CDH10: variants seen among roughly 807,000 people sequenced by gnomAD.
CDH10 encodes cadherin-10.
CDH10 carries 30 observed loss-of-function variants against 73.1 expected under a neutral mutation model. The observed-to-expected ratio is 0.41, with a 90% CI of 0.31 to 0.56. The LOEUF (loss-of-function observed/expected upper bound fraction) is 0.56. Among genes scored for constraint, CDH10 ranks in the 20% least tolerant of loss-of-function variants. The probability of loss-of-function intolerance (pLI) is 0.27; values close to 1 mark genes in which losing one functional copy is unlikely to be tolerated. For synonymous variants in CDH10, 345 were observed against 348.2 expected (o/e 0.99, Z 0.10); for missense variants, 815 against 973.7 (o/e 0.84, Z 2.17).
chr5:24,555,315 A>G lies in CDH10; in HGVS notation c.232-17641T>C, dbSNP rs377363757. ...ACTTTTCTCTTTCCTTACAAGCCTG[A>G]CCATTAAATGAACACAAAGACTGCA... is the stretch of plus-strand genomic sequence containing the variant. On this transcript the variant is annotated intron_variant, in intron 2 of 11. Coordinates refer to ENST00000264463, the MANE Select transcript of CDH10 (RefSeq NM_006727.5). Among the ~76,000 whole-genome samples the G allele has an allele frequency of 6.6e-5, 10 of 152,220 alleles. No individual in the cohort carries two copies. The East Asian group carries it at 1.7e-3, about 26-fold the overall frequency.
intron 2 of CDH10, among the ~76,000 whole-genome samples, chr5:24,545,648 T>C (rs964928389): frequency 6.6e-6 from 1 of 150,774 alleles, no homozygotes; most frequent in African/African-American, 2.4e-5. Context: ...CCTCTCTACA[T>C]TTTTTTTTCT....
intron 2 of CDH10, among the ~76,000 whole-genome samples, chr5:24,541,252 T>A (rs1017520531): frequency 1.3e-5 from 2 of 152,050 alleles, no homozygotes; most frequent in African/African-American, 4.8e-5. Context: ...GTCCCCTTCC[T>A]AAGCTTCCCA....
intron 2 of CDH10, among the ~76,000 whole-genome samples, chr5:24,576,954 G>T (rs1745628402): frequency 6.6e-6 from 1 of 151,360 alleles, no homozygotes; most frequent in Non-Finnish European, 1.5e-5. Context: ...TTTTACCTCA[G>T]TGGTCTTCCT....
chr5:24,641,138 T>C (rs889597434), intron 1 of CDH10, among the ~76,000 whole-genome samples: 2 of 151,976 alleles, frequency 1.3e-5, no homozygotes, highest in Non-Finnish European at 1.5e-5. Flanking sequence ...AATGGACTTA[T>C]ACGCTTTAGG....
At chr5:24,595,093 ATACT>A (rs1349671031) in intron 1 of CDH10, among the ~76,000 whole-genome samples, 2 of 151,614 alleles carry the variant, frequency 1.3e-5, no homozygotes, top group Non-Finnish European at 2.9e-5. Flanking sequence ...TATTGTGAAC[ATACT>A]TATTTTGTTT....
intron 1 of CDH10, among the ~76,000 whole-genome samples, chr5:24,620,200 AT>A (rs1747265297): frequency 6.6e-6 from 1 of 152,170 alleles, no homozygotes; most frequent in African/African-American, 2.4e-5. Context: ...AAACACATCA[AT>A]AGTTTTTCTA....
intron 2 of CDH10, among the ~76,000 whole-genome samples, chr5:24,570,089 A>ATTG (rs1278826141): frequency 2.6e-5 from 4 of 152,020 alleles, no homozygotes; most frequent in Non-Finnish European, 4.4e-5. Context: ...TTTCTATGAG[A>ATTG]TTTGTTTTTG....
intron 2 of CDH10, among the ~76,000 whole-genome samples, chr5:24,569,003 G>A (rs1316660434): frequency 6.6e-6 from 1 of 151,778 alleles, no homozygotes; most frequent in African/African-American, 2.4e-5. Context: ...CCAGCTACTC[G>A]GGAGGCTCAG....
chr5:24,567,838 T>C (rs898764965), intron 2 of CDH10, among the ~76,000 whole-genome samples: 15 of 152,016 alleles, frequency 9.9e-5, no homozygotes, highest in African/African-American at 3.6e-4. Flanking sequence ...GAGAGAAAAT[T>C]TAAATAAGCA....
At chr5:24,594,618 C>T (rs1746309514) in intron 1 of CDH10, among the ~76,000 whole-genome samples, 1 of 151,828 alleles carries the variant, frequency 6.6e-6, no homozygotes, top group Non-Finnish European at 1.5e-5. Context: ...CTTGCTTCAC[C>T]ATGCAATACA....
At chr5:24,623,679 G>A (rs1373474390) in intron 1 of CDH10, among the ~76,000 whole-genome samples, 1 of 152,130 alleles carries the variant, frequency 6.6e-6, no homozygotes, top group African/African-American at 2.4e-5. Context: ...GCAACACAGA[G>A]GTCTGAATAT....
At position 24,593,614 on chromosome 5, in the gene CDH10, C is replaced by A. The variant is rs1160520877; in HGVS notation, c.-123-1G>T. 3.5e-6 allele frequency: 2 copies of A among 568,812 alleles called. No individual in the cohort carries two copies. Among genetic ancestry groups the A allele is most frequent in the African/African-American group, 3.8e-5 (2 of 52,222 alleles). 35.2% of individuals were successfully genotyped at this position (568,812 alleles called of 1,614,324 possible). A position where few individuals can be genotyped will look rare whatever the true frequency, so the allele number is the denominator to read the frequency against. ...AATGTTTTGTTCATGTTTCCCAAAG[C>A]TTCAAACAAACAAACAAACAAAAAA... On this transcript the variant is annotated splice_acceptor_variant, in intron 1 of 11. Transcript: ENST00000264463. LOFTEE classifies it low-confidence loss of function (5UTR_SPLICE).
chr5:24,540,188 C>A (rs375969246), intron 2 of CDH10, among the ~76,000 whole-genome samples: 15 of 151,968 alleles, frequency 9.9e-5, no homozygotes, highest in African/African-American at 3.1e-4. Context: ...GTTAAGCTTA[C>A]AATACCTAAA....
chr5:24,527,165 T>G (rs1486166522), intron 5 of CDH10, among the ~76,000 whole-genome samples: 1 of 150,104 alleles, frequency 6.7e-6, no homozygotes, highest in East Asian at 1.9e-4. Context: ...TTTGTGTATA[T>G]ATGTATAAGT....
intron 2 of CDH10, among the ~76,000 whole-genome samples, chr5:24,542,854 T>C (rs1207507903): frequency 6.6e-6 from 1 of 152,136 alleles, no homozygotes; most frequent in Non-Finnish European, 1.5e-5. Flanking sequence ...CTAATGCTAT[T>C]CATGAGATTT....
At chr5:24,617,088 G>A (rs924609423) in intron 1 of CDH10, among the ~76,000 whole-genome samples, 3 of 152,128 alleles carry the variant, frequency 2.0e-5, no homozygotes, top group African/African-American at 7.2e-5. Context: ...TATTCAAAAT[G>A]AGTATATATC....
intron 9 of CDH10, among the ~76,000 whole-genome samples, chr5:24,498,105 G>GTCTT (rs1742358444): frequency 6.6e-6 from 1 of 152,088 alleles, no homozygotes; most frequent in Non-Finnish European, 1.5e-5. Context: ...GGGTTTGCTT[G>GTCTT]TCTTTGTTTT....
intron 2 of CDH10, among the ~76,000 whole-genome samples, chr5:24,558,199 G>A (rs909463232): frequency 2.1e-5 from 1 of 46,922 alleles, no homozygotes; most frequent in Non-Finnish European, 4.7e-5. Flanking sequence ...AATTATTTGT[G>A]TTTGGGGTCA....
At position 24,513,958 on chromosome 5, in the gene CDH10, G is replaced by A. The variant is rs555412770; in HGVS notation, c.815-2444C>T. 2.6e-5 allele frequency among the ~76,000 whole-genome samples: 4 copies of A among 152,130 alleles called. No individual in the cohort carries two copies. The South Asian group carries it at 8.3e-4, about 32-fold the overall frequency. On this transcript the variant is annotated intron_variant, in intron 5 of 11. Coordinates refer to ENST00000264463, the MANE Select transcript of CDH10 (RefSeq NM_006727.5). ...TTCTCCTATCATCCGTCATCACCAGGCATTCTATTATCTACTTACTTATTT... is the reference window on the plus strand; with the variant it reads ...TTCTCCTATCATCCGTCATCACCAGACATTCTATTATCTACTTACTTATTT...
Sources: allele counts gnomAD v4.1 joint callset (sites outside exome capture counted in the v4.1 genomes callset), GRCh38; gene constraint gnomAD v4.1.1; transcripts MANE v1.5; gene names NCBI Gene and HGNC (gene_info 2026-07-23, HGNC 2026-07-21).